Variants in KLRG1 observed in about 807,000 individuals in gnomAD.
KLRG1 encodes the protein killer cell lectin-like receptor subfamily G member 1.
In KLRG1, 16 loss-of-function variants were observed where a neutral mutation model predicts 21.8. That is an observed-to-expected ratio of 0.73 (90% CI 0.50 to 1.11). KLRG1 has a LOEUF of 1.11. Among genes scored for constraint, KLRG1 ranks in the 50% most tolerant of loss-of-function variants. The probability of loss-of-function intolerance (pLI) is 0.00; values close to 1 mark genes in which losing one functional copy is unlikely to be tolerated. For synonymous variants in KLRG1, 69 were observed against 75.9 expected (o/e 0.91, Z 0.47); for missense variants, 173 against 218.3 (o/e 0.79, Z 1.31).
the KLRG1 span, among the ~76,000 whole-genome samples, chr12:9,039,465 A>G: frequency 7.0e-6 from 1 of 142,528 alleles, no homozygotes; most frequent in Non-Finnish European, 1.6e-5. Context: ...ATGCTTTTTT[A>G]AAAAACTTTT....
chr12:9,076,548 G>T, the KLRG1 span, among the ~76,000 whole-genome samples: 1 of 152,202 alleles, frequency 6.6e-6, no homozygotes, highest in Non-Finnish European at 1.5e-5. Context: ...TCGTAATTGA[G>T]AAGCATCTGC....
At chr12:8,955,421 G>A (rs1369711815) in intron 1 of KLRG1, among the ~76,000 whole-genome samples, 2 of 98,174 alleles carry the variant, frequency 2.0e-5, no homozygotes, top group African/African-American at 4.0e-5. Context: ...TTGAGATAGA[G>A]TCTCTATCAC....
intron 3 of KLRG1, among the ~76,000 whole-genome samples, chr12:9,004,681 A>T (rs771832343): frequency 4.6e-5 from 7 of 152,136 alleles, no homozygotes; most frequent in South Asian, 2.1e-4. Flanking sequence ...GAGTGTTACT[A>T]TGTTGTCCAG....
chr12:9,151,646 C>T, the KLRG1 span: 8 of 1,613,882 alleles, frequency 5.0e-6, no homozygotes, highest in Non-Finnish European at 6.8e-6. Flanking sequence ...TCACTTCTGT[C>T]CGGCTCACAG....
At chr12:9,194,003 T>C in the KLRG1 span, 4 of 1,330,214 alleles carry the variant, frequency 3.0e-6, no homozygotes, top group Non-Finnish European at 4.1e-6. Context: ...AAATGCAATC[T>C]GTACATTTCT....
the KLRG1 span, chr12:9,196,387 T>A: frequency 2.0e-5 from 33 of 1,613,946 alleles, no homozygotes; most frequent in Non-Finnish European, 2.8e-5. Flanking sequence ...CGAATTTGAG[T>A]TTGGATACAA....
intron 1 of KLRG1, among the ~76,000 whole-genome samples, chr12:8,968,289 G>A (rs1453402495): frequency 1.5e-5 from 1 of 67,634 alleles, no homozygotes; most frequent in Admixed American, 1.8e-4. Flanking sequence ...ACCATACAAA[G>A]AGAGTTGGAG....
chr12:9,051,051 C>T, the KLRG1 span, among the ~76,000 whole-genome samples: 1 of 152,206 alleles, frequency 6.6e-6, no homozygotes, highest in Non-Finnish European at 1.5e-5. Context: ...GCCAGTCCCA[C>T]CAACTGGAGT....
the KLRG1 span, among the ~76,000 whole-genome samples, chr12:9,209,396 A>G: frequency 6.6e-6 from 1 of 152,112 alleles, no homozygotes; most frequent in African/African-American, 2.4e-5. Flanking sequence ...ACATTATCAT[A>G]GAATGAAATA....
chr12:9,030,487 A>G, the KLRG1 span, among the ~76,000 whole-genome samples: 37 of 152,070 alleles, frequency 2.4e-4, no homozygotes, highest in African/African-American at 8.7e-4. Context: ...GCTCACTGCA[A>G]TCTCTACCTC....
At chr12:9,013,194 C>G (rs1947655944), downstream of KLRG1, among the ~76,000 whole-genome samples, 1 of 152,176 alleles carries the variant, frequency 6.6e-6, no homozygotes, top group South Asian at 2.1e-4. Flanking sequence ...TGGCCAAAGA[C>G]TTAGATCATA....
At chr12:9,077,156 G>A in the KLRG1 span, among the ~76,000 whole-genome samples, 1 of 152,146 alleles carries the variant, frequency 6.6e-6, no homozygotes, top group Non-Finnish European at 1.5e-5. Flanking sequence ...AATAGCCTAG[G>A]GGAATTACTG....
chr12:9,151,792 G>T, the KLRG1 span: 1 of 736,576 alleles, frequency 1.4e-6, no homozygotes, highest in Non-Finnish European at 2.2e-6. Flanking sequence ...AAAGCTAATT[G>T]TTTTCAGGTC....
At chr12:9,189,620 C>A in the KLRG1 span, among the ~76,000 whole-genome samples, 2 of 152,172 alleles carry the variant, frequency 1.3e-5, no homozygotes, top group African/African-American at 4.8e-5. Flanking sequence ...ACAATCTCAA[C>A]AAATGCAAAC....
the KLRG1 span, among the ~76,000 whole-genome samples, chr12:9,121,554 AAAAAAC>A: frequency 1.1e-4 from 16 of 152,306 alleles, no homozygotes; most frequent in Admixed American, 9.8e-4. The surrounding 1 kb of genome is among the most constrained non-coding windows in gnomAD (Gnocchi z 4.4). Context: ...CAAACAAACA[AAAAAAC>A]AAAAACAAAA....
intron 1 of KLRG1, among the ~76,000 whole-genome samples, chr12:8,955,846 G>A (rs773523315): frequency 1.4e-4 from 21 of 152,156 alleles, no homozygotes; most frequent in East Asian, 3.9e-4. Context: ...GTCAAAGACC[G>A]CCGGAAGCCT....
chr12:9,003,323 TC>T (rs1947361856), intron 3 of KLRG1, among the ~76,000 whole-genome samples: 2 of 152,174 alleles, frequency 1.3e-5, no homozygotes, highest in Admixed American at 6.5e-5. Context: ...ACTCTTTTTT[TC>T]CTTTTGTTAA....
At chr12:9,137,703 A>G in the KLRG1 span, among the ~76,000 whole-genome samples, 2 of 151,982 alleles carry the variant, frequency 1.3e-5, no homozygotes, top group Non-Finnish European at 2.9e-5. Flanking sequence ...TCTTTCATCA[A>G]TGTTTTTGTT....
At chr12:8,994,485 T>C (rs1947071701) in intron 2 of KLRG1, among the ~76,000 whole-genome samples, 1 of 152,246 alleles carries the variant, frequency 6.6e-6, no homozygotes, top group Non-Finnish European at 1.5e-5. Context: ...CCTGTTATGC[T>C]TCTCTGCCAG....
Sources: gnomAD v4.1 joint callset for allele counts (sites outside exome capture counted in the v4.1 genomes callset) on GRCh38, gnomAD v4.1.1 for gene constraint, Gnocchi (gnomAD v3.1) non-coding constraint, MANE v1.5 for transcripts, NCBI Gene and HGNC (gene_info 2026-07-23, HGNC 2026-07-21) for gene names.